Variants in KIR3DL1 observed in about 807,000 individuals in gnomAD.
KIR3DL1 encodes the protein killer cell immunoglobulin like receptor, three Ig domains and long cytoplasmic tail 1, also known as killer cell immunoglobulin-like receptor 3DL1.
KIR3DL1 carries 50 observed loss-of-function variants against 40.3 expected under a neutral mutation model. That is an observed-to-expected ratio of 1.24 (90% confidence interval 0.99 to 1.57). The LOEUF (loss-of-function observed/expected upper bound fraction) is 1.57. Among genes scored for constraint, KIR3DL1 ranks in the 40% most tolerant of loss-of-function variants. The probability of loss-of-function intolerance (pLI) is 0.00; values close to 1 mark genes in which losing one functional copy is unlikely to be tolerated. For missense variants in KIR3DL1, 661 were observed against 559.9 expected (o/e 1.18, Z -1.82); for synonymous variants, 257 against 207.2 (o/e 1.24, Z -2.07).
intron 3 of KIR3DL1, among the ~76,000 whole-genome samples, 159 bp downstream of exon 3, chr19:54,818,758 C>A (rs76866967): frequency 0.19 from 28,196 of 147,662 alleles, 3,203 homozygotes; most frequent in South Asian, 0.31. Context: ...TGGGAAGAAT[C>A]ACTGTCCCCA....
At chr19:54,823,886 G>A (rs1348949180) in intron 5 of KIR3DL1, among the ~76,000 whole-genome samples, 2 of 151,380 alleles carry the variant, frequency 1.3e-5, no homozygotes, top group Admixed American at 6.6e-5. Flanking sequence ...ATACGTGATC[G>A]CCATTTCTAT....
intron 6 of KIR3DL1, among the ~76,000 whole-genome samples, chr19:54,828,142 C>G (rs2062005397): frequency 6.6e-6 from 1 of 150,940 alleles, no homozygotes; most frequent in Non-Finnish European, 1.5e-5. Flanking sequence ...CCCGAGATCA[C>G]AAAGAGTAGC....
intron 5 of KIR3DL1, 43 bp downstream of exon 5, chr19:54,821,901 T>C: frequency 1.3e-6 from 2 of 1,573,850 alleles, no homozygotes; most frequent in South Asian, 2.2e-5. Flanking sequence ...TGATCCTAAA[T>C]CCTTAGCTAA....
At chr19:54,820,201 GA>G (rs2061567112) in intron 4 of KIR3DL1, among the ~76,000 whole-genome samples, 189 bp downstream of exon 4, 1 of 151,364 alleles carries the variant, frequency 6.6e-6, no homozygotes, top group South Asian at 2.1e-4. Context: ...TGTCATAACA[GA>G]GGACAGACAC....
chr19:54,822,512 T>C (rs1239540884), intron 5 of KIR3DL1, among the ~76,000 whole-genome samples: 1 of 150,036 alleles, frequency 6.7e-6, no homozygotes, highest in African/African-American at 2.5e-5. Context: ...CCTGTAGTCC[T>C]AGCTACTTGG....
rs562057516 is a variant in KIR3DL1 at position 54,822,451 on chromosome 19, T to A, written c.949+593T>A. Among the ~76,000 whole-genome samples, 100 of 150,754 alleles carry A rather than the reference T, an allele frequency of 6.6e-4. 5 individuals are homozygous for A. The highest frequency in any genetic ancestry group is 2.3e-3 in the African/African-American group (95 of 40,742). The stretch of plus-strand genomic sequence containing the variant: ...ATCACCCTGGCCAACATGTGGGAAA[T>A]TCATCTTTACTAAACAGACAAGAAA... On this transcript the variant is annotated intron_variant, in intron 5 of 8. Coordinates refer to ENST00000391728, the Ensembl canonical transcript of KIR3DL1.
rs532858052 is a variant in KIR3DL1, at chr19:54,823,943, T to TTG, written c.950-1085_950-1084insTG. On this transcript the variant is annotated intron_variant, in intron 5 of 8. Transcript: ENST00000391728. ...CTCCTCATGTCTTTTGCTCGTTTTT[T>TTG]AATTAAATTGTTTTATTGAGTTGTT... 3.9e-3 allele frequency among the ~76,000 whole-genome samples: 588 copies of TTG among 150,958 alleles called. 6 individuals are homozygous for TTG. The highest frequency in any genetic ancestry group is 4.2e-3 in the Non-Finnish European group (281 of 67,710).
In KIR3DL1 at chr19:54,830,609, A is replaced by G. The variant is rs1323047369; in HGVS notation, c.*334A>G. On this transcript the variant is annotated 3_prime_UTR_variant, in exon 9 of 9. Coordinates refer to ENST00000391728, the Ensembl canonical transcript of KIR3DL1. ...GAGGAACTCACAATTCCAAACATACAAGAGGCTCCCTCTTGACGTGGCACT... is the reference window on the plus strand; with the variant it reads ...GAGGAACTCACAATTCCAAACATACGAGAGGCTCCCTCTTGACGTGGCACT... The G allele has an allele frequency of 8.9e-6, 3 of 336,990 alleles. 1 individual carries two copies. Among genetic ancestry groups the G allele is most frequent in the Non-Finnish European group, 1.1e-5 (2 of 185,118 alleles). 20.9% of individuals were successfully genotyped at this position (336,990 alleles called of 1,614,324 possible).
In KIR3DL1 at chr19:54,819,706, T is replaced by A; in HGVS notation, c.356-7T>A. The A allele has an allele frequency of 6.2e-7, 1 of 1,606,188 alleles. No individual in the cohort carries two copies. Among genetic ancestry groups the A allele is most frequent in the Non-Finnish European group, 8.5e-7 (1 of 1,176,222 alleles). On this transcript the variant is annotated splice_polypyrimidine_tract_variant and splice_region_variant and intron_variant, in intron 3 of 8. Transcript: ENST00000391728. ...ATGCCTTCTAAACTCACAACTTCTC[T>A]TTCTAGGAAACCACAGAAAACCTTC...
chr19:54,819,795 A>G lies in KIR3DL1; in HGVS notation c.438A>G (p.Ser146=). The G allele has an allele frequency of 2.5e-6, 4 of 1,611,706 alleles. No homozygotes were observed. In the Admixed American group the frequency reaches 6.7e-5, roughly 27 times the overall value. ...AGAGAGTCATCCTGCAATGTTGGTCAGATATCATGTTTGAGCACTTCTTTC... is the reference window on the plus strand; with the variant it reads ...AGAGAGTCATCCTGCAATGTTGGTCGGATATCATGTTTGAGCACTTCTTTC... Residue 146 remains serine (S), a synonymous_variant, in exon 4 of 9, where the codon TCA becomes TCG. Coordinates refer to ENST00000391728, the Ensembl canonical transcript of KIR3DL1.
Position 54,816,678 on chromosome 19 carries a change from TCTGGGCCTGGAGTGGAG to T in KIR3DL1, c.34+145_34+161del, listed in dbSNP as rs2061346673. 9 of 1,362,534 alleles carry T rather than the reference TCTGGGCCTGGAGTGGAG, an allele frequency of 6.6e-6. No homozygotes were observed. In the African/African-American group the frequency reaches 1.5e-4, roughly 23 times the overall value. The allele number at this position is 1,362,534 out of a possible 1,614,324, so 84.4% of individuals were successfully genotyped here. A position where few individuals can be genotyped will look rare whatever the true frequency, so the allele number is the denominator to read the frequency against. ...TGGAGATCTGGGCCTGGAGTGGAGA[TCTGGGCCTGGAGTGGAG>T]ATAGGGGCCTGGGGTGGAGATATGT... On this transcript the variant is annotated intron_variant, in intron 1 of 8. Transcript: ENST00000391728.
In KIR3DL1 at chr19:54,829,968, A is replaced by T; in HGVS notation, c.1146A>T (p.Thr382=). 1.3e-6 allele frequency: 2 copies of T among 1,524,198 alleles called. 1 individual carries two copies. Among genetic ancestry groups the T allele is most frequent in the South Asian group, 2.5e-5 (2 of 80,388 alleles). 94.4% of individuals were successfully genotyped at this position (1,524,198 alleles called of 1,614,324 possible). Residue 382 remains threonine, a synonymous_variant, in exon 8 of 9, where the codon ACA becomes ACT. Transcript: ENST00000391728. ...ACCAAGAGCCTGCAGGGAACAGAAC[A>T]GCCAACAGCGAGGTAGGTGCTCCTC... is the stretch of plus-strand genomic sequence containing the variant.
At chr19:54,822,484 C>A (rs796523240) in intron 5 of KIR3DL1, among the ~76,000 whole-genome samples, 2 of 149,490 alleles carry the variant, frequency 1.3e-5, no homozygotes, top group East Asian at 2.0e-4. Context: ...AAAAATTAGC[C>A]GAGCATGCTG....
intron 6 of KIR3DL1, among the ~76,000 whole-genome samples, chr19:54,828,387 A>T (rs1257938417): frequency 1.3e-5 from 2 of 151,338 alleles, no homozygotes; most frequent in Admixed American, 1.3e-4. Context: ...GGCCTATGCC[A>T]ATTCCTATCA....
chr19:54,827,784 C>T (rs1419200179), intron 6 of KIR3DL1, among the ~76,000 whole-genome samples: 1 of 150,600 alleles, frequency 6.6e-6, no homozygotes, highest in African/African-American at 2.5e-5. Context: ...TTTCTGTGAG[C>T]ATGAGATCAT....
chr19:54,821,712 C>A (rs1319894381), exon 5 of KIR3DL1: 2 of 1,608,910 alleles, frequency 1.2e-6, no homozygotes, highest in East Asian at 4.5e-5. Context: ...AGGCTCCCTG[C>A]AGTGCGCAAG....
chr19:54,825,637 C>G (rs1392212721), intron 6 of KIR3DL1, among the ~76,000 whole-genome samples: 1 of 150,146 alleles, frequency 6.7e-6, no homozygotes, highest in African/African-American at 2.5e-5. Context: ...TAACAAATTT[C>G]CACAAGATTC....
chr19:54,825,812 A>AT lies in KIR3DL1; in HGVS notation c.1000+734_1000+735insT, dbSNP rs372866147. Among the ~76,000 whole-genome samples the AT allele has an allele frequency of 1.3e-4, 19 of 142,508 alleles. No homozygotes were observed. The East Asian group carries it at 2.8e-3, about 21-fold the overall frequency. 93.5% of individuals were successfully genotyped at this position (142,508 alleles called of 152,430 possible). ...CTTGTCCCAGCTTCTAAAGGCTCCCAGTTCCTTGGCTCCTGGTCCCCTTCC... is the reference window on the plus strand; with the variant it reads ...CTTGTCCCAGCTTCTAAAGGCTCCCATGTTCCTTGGCTCCTGGTCCCCTTCC... On this transcript the variant is annotated intron_variant, in intron 6 of 8. Transcript: ENST00000391728.
At chr19:54,819,917 T>A (rs660405) in exon 4 of KIR3DL1, 4 of 1,611,750 alleles carry the variant, frequency 2.5e-6, no homozygotes, top group Admixed American at 1.7e-5. Flanking sequence ...CCCATGATGC[T>A]TGCCCTTGCA....
Sources: gnomAD v4.1 joint callset for allele counts (sites outside exome capture counted in the v4.1 genomes callset) on GRCh38, gnomAD v4.1.1 for gene constraint, MANE v1.5 for transcripts, NCBI Gene and HGNC (gene_info 2026-07-23, HGNC 2026-07-21) for gene names.